The following CDYL variants were observed in gnomAD, a reference collection of about 807,000 sequenced individuals.
CDYL encodes the protein chromodomain Y like.
Under a neutral mutation model 47.3 loss-of-function variants are expected in CDYL, and 8 were observed. The observed-to-expected ratio is 0.17, with a 90% CI of 0.10 to 0.31. The LOEUF (loss-of-function observed/expected upper bound fraction) is 0.31. Ranked by LOEUF, CDYL falls within the 10% of genes least tolerant of loss-of-function variation. CDYL has a pLI of 1.00. For synonymous variants in CDYL, 266 were observed against 265.0 expected (o/e 1.00, Z -0.04); for missense variants, 471 against 701.4 (o/e 0.67, Z 3.71).
chr6:4,821,896 G>A (rs577738995), intron 1 of CDYL, among the ~76,000 whole-genome samples: 172 of 152,262 alleles, frequency 1.1e-3, no homozygotes, highest in African/African-American at 4.0e-3. Context: ...CCAAATTTTA[G>A]TTGTTCTTGG....
At chr6:4,766,268 G>A (rs1402601496) in intron 3 of CDYL, among the ~76,000 whole-genome samples, 1 of 152,130 alleles carries the variant, frequency 6.6e-6, no homozygotes, top group Non-Finnish European at 1.5e-5. Context: ...GGAGTGCAAT[G>A]GCATGATCTT....
At chr6:4,756,556 G>T (rs185740323) in intron 3 of CDYL, among the ~76,000 whole-genome samples, 132 of 148,104 alleles carry the variant, frequency 8.9e-4, no homozygotes, top group African/African-American at 3.3e-3. Flanking sequence ...TGTAGTAATT[G>T]TAGTAATTAA....
At position 4,889,526 on chromosome 6, in the gene CDYL, A is replaced by AT. The variant is rs200444516; in HGVS notation, c.25-2180dup. Among the ~76,000 whole-genome samples, 753 of 152,196 alleles carry AT rather than the reference A, an allele frequency of 4.9e-3. 3 individuals carry two copies. Among genetic ancestry groups the AT allele is most frequent in the Non-Finnish European group, 7.2e-3 (487 of 67,994 alleles). On this transcript the variant is annotated intron_variant, in intron 1 of 6. Coordinates refer to ENST00000397588, the MANE Select transcript of CDYL (RefSeq NM_004824.4). ...GCGTGAGCCACCGTGCCCGGCCCAC[A>AT]TTTTTTTACTAGCTGGAAAAGATCA...
intron 1 of CDYL, among the ~76,000 whole-genome samples, chr6:4,869,599 CTT>C (rs1356295101): frequency 6.6e-6 from 1 of 152,016 alleles, no homozygotes; most frequent in Non-Finnish European, 1.5e-5. Context: ...AATTTTAAAA[CTT>C]AATATTTGAA....
intron 2 of CDYL, among the ~76,000 whole-genome samples, chr6:4,729,657 T>C (rs1487014060): frequency 6.6e-6 from 1 of 152,184 alleles, no homozygotes; most frequent in Non-Finnish European, 1.5e-5. Context: ...GTGGCTCATG[T>C]CTGTAATCCC....
chr6:4,935,491 A>G, intron 2 of CDYL, 24 bp from the exon 3 acceptor site: 3 of 1,599,720 alleles, frequency 1.9e-6, no homozygotes, highest in Non-Finnish European at 2.6e-6. Context: ...ATCACAGACT[A>G]CTGTGATTTC....
intron 1 of CDYL, among the ~76,000 whole-genome samples, chr6:4,868,292 G>A (rs894940515): frequency 6.6e-6 from 1 of 151,686 alleles, no homozygotes; most frequent in East Asian, 1.9e-4. Context: ...AAATTTTCAT[G>A]TGTTGCTTTC....
At position 4,777,418 on chromosome 6, in the gene CDYL, G is replaced by A. The variant is rs114484994; in HGVS notation, c.24+611G>A. Among the ~76,000 whole-genome samples the A allele has an allele frequency of 8.7e-3, 1,327 of 152,314 alleles. 28 individuals carry two copies. The highest frequency in any genetic ancestry group is 0.031 in the African/African-American group (1,270 of 41,564). ...TCATTTGCGCCGCAGCGTTGCAAAT[G>A]AGAAGGGCATAGCCAGAACTGTAAG... On this transcript the variant is annotated intron_variant, in intron 1 of 6. Coordinates refer to ENST00000397588, the MANE Select transcript of CDYL (RefSeq NM_004824.4).
chr6:4,950,295 G>T (rs1411693349), intron 5 of CDYL, among the ~76,000 whole-genome samples: 1 of 152,208 alleles, frequency 6.6e-6, no homozygotes, highest in Non-Finnish European at 1.5e-5. Context: ...AGGCCTGGCG[G>T]GGTCGCTTGC....
intron 2 of CDYL, 75 bp downstream of exon 2, chr6:4,892,454 T>C: frequency 6.8e-7 from 1 of 1,462,580 alleles, no homozygotes; most frequent in Admixed American, 2.2e-5. Flanking sequence ...GATCAGGCCT[T>C]GAGCTGGGCA....
chr6:4,887,702 A>G (rs1449968191), intron 1 of CDYL, among the ~76,000 whole-genome samples: 1 of 152,120 alleles, frequency 6.6e-6, no homozygotes, highest in African/African-American at 2.4e-5. Context: ...CACTCAGCCA[A>G]AACTAGCTAG....
chr6:4,792,105 G>A (rs1444743612), intron 1 of CDYL, among the ~76,000 whole-genome samples: 2 of 151,122 alleles, frequency 1.3e-5, no homozygotes, highest in East Asian at 3.9e-4. Context: ...TGTTAGCCAG[G>A]ATGGTCTCGA....
intron 1 of CDYL, among the ~76,000 whole-genome samples, chr6:4,708,135 T>C (rs1045351131): frequency 2.2e-5 from 3 of 137,308 alleles, no homozygotes; most frequent in Non-Finnish European, 4.7e-5. Context: ...TGTTTTCTGT[T>C]TGTGTTGTGT....
intron 2 of CDYL, among the ~76,000 whole-genome samples, chr6:4,911,960 G>A (rs9378917): frequency 0.078 from 11,873 of 152,240 alleles, 567 homozygotes; most frequent in South Asian, 0.13. Flanking sequence ...ACCGGTTAAC[G>A]GCCTGCAGGG....
At chr6:4,881,382 T>C (rs538177509) in intron 1 of CDYL, among the ~76,000 whole-genome samples, 147 of 152,302 alleles carry the variant, frequency 9.7e-4, no homozygotes, top group African/African-American at 3.2e-3. Flanking sequence ...TGTAGAGTAG[T>C]GCTTCTGAGT....
rs769242426 is a variant in CDYL, at chr6:4,876,013, T to TG, written c.25-15699dup. On this transcript the variant is annotated intron_variant, in intron 1 of 6. Transcript: ENST00000397588. ...GCTGATCTTAAATACTGCAACCAGT[T>TG]GCTTAGCTAAACAAATGCATATACC... Among the ~76,000 whole-genome samples the TG allele has an allele frequency of 1.3e-5, 2 of 152,202 alleles. 1 individual carries two copies. Among genetic ancestry groups the TG allele is most frequent in the South Asian group, 4.1e-4 (2 of 4,836 alleles).
At chr6:4,908,946 A>C (rs1757323455) in intron 2 of CDYL, among the ~76,000 whole-genome samples, 1 of 152,088 alleles carries the variant, frequency 6.6e-6, no homozygotes, top group Non-Finnish European at 1.5e-5. Context: ...GTTAAGCCAC[A>C]AAAGGTTCTA....
At chr6:4,783,492 C>T (rs1017857843) in intron 1 of CDYL, among the ~76,000 whole-genome samples, 1 of 150,858 alleles carries the variant, frequency 6.6e-6, no homozygotes, top group Non-Finnish European at 1.5e-5. Context: ...TCTTGGCTTA[C>T]TGTAGCCTCT....
chr6:4,930,978 G>C (rs1425857176), intron 2 of CDYL, among the ~76,000 whole-genome samples: 2 of 152,116 alleles, frequency 1.3e-5, no homozygotes, highest in Non-Finnish European at 2.9e-5. Flanking sequence ...GTTTTTTTCT[G>C]AATCTCAGTG....
Sources: allele counts gnomAD v4.1 joint callset (sites outside exome capture counted in the v4.1 genomes callset), GRCh38; gene constraint gnomAD v4.1.1; transcripts MANE v1.5; gene names NCBI Gene and HGNC (gene_info 2026-07-23, HGNC 2026-07-21).